Variants in NXPE4 observed in about 807,000 individuals in gnomAD.
NXPE4 encodes neurexophilin and PC-esterase domain family member 4, also known as NXPE family member 4.
A neutral mutation model predicts 33.3 loss-of-function variants in NXPE4; 42 were observed. The ratio of observed to expected loss-of-function variants is 1.26; its 90% CI spans 0.98 to 1.63. NXPE4 has a LOEUF of 1.63. Among genes scored for constraint, NXPE4 ranks in the 40% most tolerant of loss-of-function variants. NXPE4 has a pLI of 0.00. For synonymous variants in NXPE4, 253 were observed against 234.9 expected (o/e 1.08, Z -0.71); for missense variants, 709 against 647.6 (o/e 1.09, Z -1.03).
At chr11:114,653,888 G>C in the NXPE4 span, among the ~76,000 whole-genome samples, 1 of 152,062 alleles carries the variant, frequency 6.6e-6, no homozygotes, top group Non-Finnish European at 1.5e-5. Flanking sequence ...TCCTAAGCAA[G>C]GAGCAGCAAT....
the NXPE4 span, among the ~76,000 whole-genome samples, chr11:114,633,282 T>G: frequency 7.2e-6 from 1 of 138,944 alleles, no homozygotes; most frequent in South Asian, 2.2e-4. Context: ...TATTATGTTA[T>G]ATTATAAAAT....
upstream of NXPE4, among the ~76,000 whole-genome samples, chr11:114,600,128 T>C (rs1271309998): frequency 1.3e-5 from 2 of 152,120 alleles, no homozygotes; most frequent in Admixed American, 1.3e-4. Flanking sequence ...TGAGGAAAAG[T>C]TTGAAGAAAA....
At chr11:114,633,586 T>C in the NXPE4 span, among the ~76,000 whole-genome samples, 3 of 151,630 alleles carry the variant, frequency 2.0e-5, no homozygotes, top group South Asian at 2.1e-4. Context: ...TAGCATTAGG[T>C]ATATCTCATA....
At chr11:114,635,179 C>T in the NXPE4 span, among the ~76,000 whole-genome samples, 7 of 150,250 alleles carry the variant, frequency 4.7e-5, no homozygotes, top group Non-Finnish European at 7.4e-5. Context: ...AGTTCCTTCA[C>T]GTCCCTTGTA....
At chr11:114,651,716 A>T in the NXPE4 span, among the ~76,000 whole-genome samples, 1 of 152,086 alleles carries the variant, frequency 6.6e-6, no homozygotes, top group Non-Finnish European at 1.5e-5. Context: ...TGTGTTTGCA[A>T]ACCTTTAGTT....
At chr11:114,666,378 T>C in the NXPE4 span, among the ~76,000 whole-genome samples, 3 of 152,148 alleles carry the variant, frequency 2.0e-5, no homozygotes, top group African/African-American at 7.2e-5. Flanking sequence ...AATTTGGGGA[T>C]GAAAGATTTT....
At chr11:114,662,186 C>G in the NXPE4 span, among the ~76,000 whole-genome samples, 1 of 152,066 alleles carries the variant, frequency 6.6e-6, no homozygotes, top group East Asian at 1.9e-4. Context: ...CCATCAACCC[C>G]CAGCATTGGT....
Position 114,581,645 on chromosome 11 carries a change from T to C in NXPE4, c.892+80A>G. 2.5e-6 allele frequency: 3 copies of C among 1,189,146 alleles called. No individual in the cohort carries two copies. The South Asian group carries it at 3.9e-5, about 15-fold the overall frequency. The allele number at this position is 1,189,146 out of a possible 1,614,324, so 73.7% of individuals were successfully genotyped here. On this transcript the variant is annotated intron_variant, in intron 4 of 5. Transcript: ENST00000375478. ...CAGAGTGCTGATAGGACTGAAACAGTGAACAAATCCAGTAGAAAGAAGAAA... is the reference window on the plus strand; with the variant it reads ...CAGAGTGCTGATAGGACTGAAACAGCGAACAAATCCAGTAGAAAGAAGAAA...
In NXPE4 at chr11:114,582,833, G is replaced by A. The variant is rs187061568; in HGVS notation, c.285C>T (p.Thr95=). ...PRPFTHVNTT[T]SATHSTATIL... ...TGGTGGCTGTGCTATGTGTGGCGCT[G>A]GTGGTGGTGTTCACGTGGGTGAAAG... Residue 95 remains threonine, a synonymous_variant, in exon 3 of 6, where the codon ACC becomes ACT. Coordinates refer to ENST00000375478, the MANE Select transcript of NXPE4 (RefSeq NM_001077639.2). 1.7e-4 allele frequency: 278 copies of A among 1,614,186 alleles called. 3 individuals are homozygous for A. In the East Asian group the frequency reaches 6.0e-3, roughly 35 times the overall value.
At chr11:114,590,305 C>A (rs1351950499) in intron 2 of NXPE4, among the ~76,000 whole-genome samples, 1 of 152,146 alleles carries the variant, frequency 6.6e-6, no homozygotes. Context: ...CTTTGCAAAA[C>A]CTTGGTAAAG....
chr11:114,582,297 A>T lies in NXPE4; in HGVS notation c.821T>A (p.Leu274His). The T allele has an allele frequency of 6.4e-7, 1 of 1,570,060 alleles. No homozygotes were observed. Among genetic ancestry groups the T allele is most frequent in the Non-Finnish European group, 8.6e-7 (1 of 1,160,394 alleles). ...AAGTAATTATTTTTACCTTTCAAAG[A>T]GGCTCTTTTCTTGTTTGCTAAGATA... is the stretch of plus-strand genomic sequence containing the variant. ...VSYLSKQEKS[L>H]FERSNVGVEI... is the part of the protein sequence containing the mutation. The change falls in exon 3 of 6, where the codon CTC (leucine) becomes CAC (histidine). Residue 274 changes from leucine to histidine, a missense_variant. By Grantham distance (99) the Leu-to-His change is moderately conservative. Coordinates refer to ENST00000375478, the MANE Select transcript of NXPE4 (RefSeq NM_001077639.2).
At chr11:114,617,723 G>T in the NXPE4 span, among the ~76,000 whole-genome samples, 1 of 150,030 alleles carries the variant, frequency 6.7e-6, no homozygotes, top group Non-Finnish European at 1.5e-5. Flanking sequence ...TACCCAATGC[G>T]TAATAAGTAT....
the NXPE4 span, among the ~76,000 whole-genome samples, chr11:114,669,063 C>T: frequency 6.6e-6 from 1 of 151,940 alleles, no homozygotes; most frequent in East Asian, 1.9e-4. Flanking sequence ...TAGAGCTCCA[C>T]AGAAAATTCC....
the NXPE4 span, among the ~76,000 whole-genome samples, chr11:114,629,660 G>A: frequency 2.0e-5 from 3 of 152,048 alleles, no homozygotes; most frequent in Admixed American, 2.0e-4. Flanking sequence ...AGTGTTGGAA[G>A]TTCTGGCCAG....
the NXPE4 span, among the ~76,000 whole-genome samples, chr11:114,618,667 C>T: frequency 2.1e-4 from 32 of 151,548 alleles, 1 homozygote; most frequent in African/African-American, 6.0e-4. Context: ...TTGCCTCTTG[C>T]GTAACCAGTA....
chr11:114,634,980 G>GT, the NXPE4 span, among the ~76,000 whole-genome samples: 4 of 152,030 alleles, frequency 2.6e-5, no homozygotes, highest in East Asian at 1.9e-4. Flanking sequence ...CTTTAAAGTA[G>GT]TTTTTTCCAA....
chr11:114,594,589 T>C, intron 2 of NXPE4, 75 bp downstream of exon 2: 1 of 918,038 alleles, frequency 1.1e-6, no homozygotes, highest in Non-Finnish European at 1.8e-6. Flanking sequence ...TCTTGTAGTT[T>C]AGCCTTTCCT....
intron 5 of NXPE4, 141 bp from the exon 6 acceptor site, chr11:114,571,614 GT>G (rs34447317): frequency 1.2e-6 from 1 of 812,828 alleles, no homozygotes; most frequent in Non-Finnish European, 1.9e-6. Flanking sequence ...ATGAGGGGAT[GT>G]TTTTGAAAAT....
the NXPE4 span, among the ~76,000 whole-genome samples, chr11:114,636,101 C>T: frequency 2.4e-4 from 37 of 151,602 alleles, no homozygotes; most frequent in African/African-American, 8.7e-4. Context: ...GTCCTGGACT[C>T]TTTCGTTGGT....
Sources: allele counts gnomAD v4.1 joint callset (sites outside exome capture counted in the v4.1 genomes callset), GRCh38; gene constraint gnomAD v4.1.1; transcripts MANE v1.5; gene names NCBI Gene and HGNC (gene_info 2026-07-23, HGNC 2026-07-21).